The following VWA3B variants were observed in gnomAD, a reference collection of about 807,000 sequenced individuals.
VWA3B encodes the protein von Willebrand factor A domain-containing protein 3B.
In VWA3B, 138 loss-of-function variants were observed where a neutral mutation model predicts 158.3. The ratio of observed to expected loss-of-function variants is 0.87; its 90% CI spans 0.76 to 1.00. The LOEUF is 1.00. Among genes scored for constraint, VWA3B ranks in the 50% least tolerant of loss-of-function variants. VWA3B has a pLI of 0.00. For missense variants in VWA3B, 1,555 were observed against 1,565.1 expected (o/e 0.99, Z 0.11); for synonymous variants, 596 against 587.3 (o/e 1.01, Z -0.21).
intron 1 of VWA3B, among the ~76,000 whole-genome samples, chr2:98,087,978 A>G (rs368394324): frequency 4.9e-4 from 75 of 151,898 alleles, no homozygotes; most frequent in African/African-American, 1.7e-3. Flanking sequence ...CTTCTTGACT[A>G]TTTTCTCAAC....
At chr2:98,118,348 A>G (rs1485715088) in intron 3 of VWA3B, among the ~76,000 whole-genome samples, 1 of 152,186 alleles carries the variant, frequency 6.6e-6, no homozygotes, top group African/African-American at 2.4e-5. Flanking sequence ...CACATGGGAC[A>G]GGGAAGGAAG....
chr2:98,282,232 G>T (rs900092822), intron 22 of VWA3B, among the ~76,000 whole-genome samples: 3 of 152,058 alleles, frequency 2.0e-5, no homozygotes, highest in Non-Finnish European at 4.4e-5. Context: ...GTTTCTGTGG[G>T]ATGAACCATT....
At chr2:98,111,720 C>A (rs1285190409) in intron 2 of VWA3B, among the ~76,000 whole-genome samples, 3 of 151,996 alleles carry the variant, frequency 2.0e-5, no homozygotes, top group Non-Finnish European at 4.4e-5. Flanking sequence ...CTATTCATGT[C>A]TTTTGCCCAT....
intron 12 of VWA3B, 142 bp downstream of exon 12, chr2:98,194,634 T>G: frequency 1.0e-6 from 1 of 966,670 alleles, no homozygotes; most frequent in African/African-American, 1.6e-5. Context: ...TTGTTTTGCT[T>G]GCAGTGGTCA....
chr2:98,154,302 G>A lies in VWA3B; in HGVS notation c.989-8549G>A, dbSNP rs554902179. 5.3e-5 allele frequency among the ~76,000 whole-genome samples: 8 copies of A among 152,314 alleles called. No homozygotes were observed. In the East Asian group the frequency reaches 7.7e-4, roughly 15 times the overall value. ...ATAAAAGACAAGGTTCCCAGTCGGC[G>A]GGGAGCCCCAGATTCTCAGAATGTC... On this transcript the variant is annotated intron_variant, in intron 7 of 27. Transcript: ENST00000477737.
rs778305082 is a variant in VWA3B, at chr2:98,187,996, C to A, written c.1333C>A (p.His445Asn). 4 of 1,613,142 alleles carry A rather than the reference C, an allele frequency of 2.5e-6. No individual in the cohort carries two copies. Among genetic ancestry groups the A allele is most frequent in the Non-Finnish European group, 3.4e-6 (4 of 1,179,654 alleles). ...TTAGGAGACGAACAAGAAGACAGTC[C>A]ATGCAAAATATTGCAGCAGGTTTGT... ...TSAETNKKTV[H>N]AKYCSRFVHA... The change falls in exon 10 of 28, where the codon CAT becomes AAT. Residue 445 changes from histidine (H) to asparagine (N), a missense_variant. Physicochemically the swap from His to Asn is moderately conservative, Grantham distance 68. Coordinates refer to ENST00000477737, the MANE Select transcript of VWA3B (RefSeq NM_144992.5).
At chr2:98,173,971 GA>G (rs11434978) in intron 8 of VWA3B, among the ~76,000 whole-genome samples, 19 of 147,754 alleles carry the variant, frequency 1.3e-4, no homozygotes, top group African/African-American at 2.0e-4. Flanking sequence ...TGTCTCAAAA[GA>G]AAAAAAAAAT....
Position 98,181,145 on chromosome 2 carries a change from T to C in VWA3B, c.1244T>C (p.Phe415Ser). Residue 415 changes from phenylalanine (F) to serine (S), a missense_variant, in exon 9 of 28, where the codon TTC becomes TCC. Transcript: ENST00000477737. ...TATGATGTGCTTGCCGACTGCTCTT[T>C]CCGCCACGCTGATGGGGTTGTGGAT... ...SLYDVLADCS[F>S]RHADGVVDIK... 1.2e-6 allele frequency: 2 copies of C among 1,614,216 alleles called. No homozygotes were observed. Among genetic ancestry groups the C allele is most frequent in the Non-Finnish European group, 1.7e-6 (2 of 1,180,026 alleles).
intron 12 of VWA3B, among the ~76,000 whole-genome samples, chr2:98,203,842 T>A (rs1003730340): frequency 3.3e-5 from 5 of 152,222 alleles, no homozygotes; most frequent in Non-Finnish European, 7.3e-5. Flanking sequence ...GCCCTCCATA[T>A]CTGCAAGTTC....
chr2:98,229,911 A>G (rs993124557), intron 15 of VWA3B, 139 bp from the exon 16 acceptor site: 4 of 941,108 alleles, frequency 4.3e-6, no homozygotes, highest in Non-Finnish European at 6.1e-6. Flanking sequence ...CTATTTTTAT[A>G]TTAACCCAGA....
chr2:98,201,037 T>G (rs1003042228), intron 12 of VWA3B, among the ~76,000 whole-genome samples: 2 of 152,224 alleles, frequency 1.3e-5, no homozygotes, highest in Non-Finnish European at 2.9e-5. Flanking sequence ...GACTTTACAC[T>G]GAGTCTTGAA....
rs1226216305 is a variant in VWA3B at position 98,150,510 on chromosome 2, T to A, written c.989-12341T>A. Among the ~76,000 whole-genome samples the A allele has an allele frequency of 2.0e-5, 3 of 152,370 alleles. No individual in the cohort carries two copies. In the South Asian group the frequency reaches 6.2e-4, roughly 32 times the overall value. ...AGCACCTGCTGAGTCAGGAGCCCTC[T>A]GAGCACTTGTGCAGAGGTGGCTCTG... On this transcript the variant is annotated intron_variant, in intron 7 of 27. Coordinates refer to ENST00000477737, the MANE Select transcript of VWA3B (RefSeq NM_144992.5).
At chr2:98,228,576 G>A (rs780206413) in intron 15 of VWA3B, among the ~76,000 whole-genome samples, 4 of 152,116 alleles carry the variant, frequency 2.6e-5, no homozygotes, top group Non-Finnish European at 5.9e-5. Context: ...GTGTGGACGG[G>A]CCCCCAGACC....
At position 98,300,193 on chromosome 2, in the gene VWA3B, G is replaced by A; in HGVS notation, c.3397G>A (p.Val1133Ile). 18 of 1,614,228 alleles carry A rather than the reference G, an allele frequency of 1.1e-5. No individual in the cohort carries two copies. The highest frequency in any genetic ancestry group is 1.5e-5 in the Non-Finnish European group (18 of 1,180,046). ...TGTGGCCACAGAAAAATTCTACACA[G>A]TTTTGAAGTGTAACAACCGGAGAGT... ...KHVATEKFYT[V>I]LKCNNRREFC... is the part of the protein sequence containing the mutation. Residue 1133 changes from valine to isoleucine, a missense_variant, in exon 25 of 28, where the codon GTT becomes ATT. Val to Ile is a conservative substitution (Grantham distance 29). Transcript: ENST00000477737.
intron 19 of VWA3B, among the ~76,000 whole-genome samples, chr2:98,247,875 A>T (rs1686501769): frequency 6.6e-6 from 1 of 152,034 alleles, no homozygotes; most frequent in Admixed American, 6.5e-5. Context: ...CCATCTTTCT[A>T]TTCTATTCTT....
intron 12 of VWA3B, among the ~76,000 whole-genome samples, chr2:98,203,068 T>A (rs987718949): frequency 1.3e-5 from 2 of 152,214 alleles, no homozygotes; most frequent in Admixed American, 1.3e-4. Flanking sequence ...CCTGACTTTG[T>A]GATCTGCCCG....
At chr2:98,226,283 G>A (rs763772091) in intron 14 of VWA3B, among the ~76,000 whole-genome samples, 4 of 152,134 alleles carry the variant, frequency 2.6e-5, no homozygotes, top group African/African-American at 4.8e-5. Context: ...CAACATGCTC[G>A]ACTGATTTTT....
intron 14 of VWA3B, among the ~76,000 whole-genome samples, chr2:98,222,654 G>C (rs565285727): frequency 1.3e-5 from 2 of 152,282 alleles, no homozygotes; most frequent in South Asian, 4.1e-4. Context: ...GAGGTACCAA[G>C]AGACACCTGG....
chr2:98,202,548 G>T (rs770596497), intron 12 of VWA3B, among the ~76,000 whole-genome samples: 1 of 150,904 alleles, frequency 6.6e-6, no homozygotes, highest in South Asian at 2.1e-4. Context: ...TACTTGCTTT[G>T]TTTTTTTAAA....
Sources: allele counts gnomAD v4.1 joint callset (sites outside exome capture counted in the v4.1 genomes callset), GRCh38; gene constraint gnomAD v4.1.1; transcripts MANE v1.5; gene names NCBI Gene and HGNC (gene_info 2026-07-23, HGNC 2026-07-21).